DYNAP: variants seen among roughly 807,000 people sequenced by gnomAD.
The protein encoded by DYNAP is dynactin-associated protein.
A neutral mutation model predicts 8.5 loss-of-function variants in DYNAP; 7 were observed. That is an observed-to-expected ratio of 0.82 (90% CI 0.47 to 1.54). The LOEUF is 1.54. Ranked by LOEUF, DYNAP falls within the 40% of genes most tolerant of loss-of-function variation. The pLI, the probability that DYNAP is intolerant of heterozygous loss-of-function variation, is 0.01. For missense variants in DYNAP, 256 were observed against 224.3 expected, an observed-to-expected ratio of 1.14 and a Z score of -0.90; for synonymous variants, 77 against 77.9, an observed-to-expected ratio of 0.99 and a Z score of 0.06.
intron 1 of DYNAP, 80 bp downstream of exon 1, chr18:54,591,419 T>C (rs1313490075): frequency 1.4e-6 from 2 of 1,461,620 alleles, no homozygotes; most frequent in Non-Finnish European, 1.8e-6. Flanking sequence ...TTAATCTCTT[T>C]ATTACTATCT....
At chr18:54,576,317 C>T in the DYNAP span, among the ~76,000 whole-genome samples, 705 of 152,208 alleles carry the variant, frequency 4.6e-3, 7 homozygotes, top group Middle Eastern at 0.01. Flanking sequence ...TAGAAACTGC[C>T]AAACAGCTTA....
At chr18:54,577,356 G>A in the DYNAP span, among the ~76,000 whole-genome samples, 2 of 152,044 alleles carry the variant, frequency 1.3e-5, no homozygotes, top group Admixed American at 1.3e-4. Flanking sequence ...AGAAACCCAG[G>A]TGAGAGGACC....
At chr18:54,595,785 T>C (rs879771989) in intron 2 of DYNAP, among the ~76,000 whole-genome samples, 7 of 152,166 alleles carry the variant, frequency 4.6e-5, no homozygotes, top group Non-Finnish European at 7.4e-5. Context: ...CCAATATGGC[T>C]TGGCAGTTTG....
the DYNAP span, among the ~76,000 whole-genome samples, chr18:54,581,446 A>C: frequency 6.6e-6 from 1 of 152,346 alleles, no homozygotes; most frequent in East Asian, 1.9e-4. Flanking sequence ...GGCCTACTGT[A>C]CTATAACCAG....
At chr18:54,587,107 T>A (rs1019976928), upstream of DYNAP, among the ~76,000 whole-genome samples, 4 of 152,168 alleles carry the variant, frequency 2.6e-5, no homozygotes, top group African/African-American at 9.7e-5. Context: ...GAATGGTATA[T>A]TTTTTCACAA....
At chr18:54,592,074 T>G (rs1456382830) in intron 1 of DYNAP, among the ~76,000 whole-genome samples, 1 of 152,158 alleles carries the variant, frequency 6.6e-6, no homozygotes, top group Admixed American at 6.6e-5. Context: ...GCTGTGGTAA[T>G]CAGCCTGTGT....
the DYNAP span, among the ~76,000 whole-genome samples, chr18:54,581,850 A>C: frequency 6.6e-6 from 1 of 152,216 alleles, no homozygotes; most frequent in Admixed American, 6.5e-5. Flanking sequence ...AATTTTTAAC[A>C]GTTCTTCCAC....
chr18:54,582,875 C>T (rs537920442), upstream of DYNAP, among the ~76,000 whole-genome samples: 4 of 152,334 alleles, frequency 2.6e-5, no homozygotes, highest in East Asian at 5.8e-4. Flanking sequence ...TATCTTCCTA[C>T]TGACATAATC....
chr18:54,585,326 G>A (rs956074783), upstream of DYNAP, among the ~76,000 whole-genome samples: 18 of 150,970 alleles, frequency 1.2e-4, no homozygotes, highest in Admixed American at 3.3e-4. Context: ...CTATTGTATT[G>A]TTCATTTTTC....
chr18:54,586,595 A>G (rs1026806440), upstream of DYNAP, among the ~76,000 whole-genome samples: 6 of 152,150 alleles, frequency 3.9e-5, no homozygotes, highest in East Asian at 3.8e-4. Flanking sequence ...CAGTGAATTC[A>G]AGCTCTGAGT....
rs999716133 is a variant in DYNAP at position 54,596,969 on chromosome 18, G to A, written c.223-844G>A. On this transcript the variant is annotated intron_variant, in intron 2 of 2. Coordinates refer to ENST00000648945, the MANE Select transcript of DYNAP (RefSeq NM_173629.3). ...CTCTAGTCTTCCAACAAATACCATG[G>A]CACATATTTTGTAATGTTTCAGACC... Among the ~76,000 whole-genome samples, 8 of 152,048 alleles carry A rather than the reference G, an allele frequency of 5.3e-5. No individual in the cohort carries two copies. In the South Asian group the frequency reaches 1.0e-3, roughly 20 times the overall value.
At chr18:54,587,175 A>C (rs867476185), upstream of DYNAP, among the ~76,000 whole-genome samples, 20 of 152,324 alleles carry the variant, frequency 1.3e-4, no homozygotes, top group Middle Eastern at 3.4e-3. Context: ...CATGAGAGTC[A>C]GTTTACTATT....
chr18:54,589,787 T>A (rs1463670843), upstream of DYNAP, among the ~76,000 whole-genome samples: 4 of 152,102 alleles, frequency 2.6e-5, no homozygotes, highest in East Asian at 1.9e-4. Flanking sequence ...AGTAATATTT[T>A]AAAAATATAC....
upstream of DYNAP, among the ~76,000 whole-genome samples, chr18:54,587,540 A>T (rs1463531303): frequency 3.3e-5 from 5 of 151,920 alleles, no homozygotes; most frequent in South Asian, 6.2e-4. Flanking sequence ...AACACACATT[A>T]ATATTTTTTG....
chr18:54,580,594 A>C, the DYNAP span, among the ~76,000 whole-genome samples: 4 of 152,232 alleles, frequency 2.6e-5, no homozygotes, highest in Non-Finnish European at 4.4e-5. Flanking sequence ...CACAGAAATT[A>C]CAATGTGGTG....
chr18:54,587,554 T>C (rs1910922334), upstream of DYNAP, among the ~76,000 whole-genome samples: 1 of 152,182 alleles, frequency 6.6e-6, no homozygotes, highest in Non-Finnish European at 1.5e-5. Flanking sequence ...TTTTTTGTAA[T>C]TGAACATATA....
At chr18:54,594,423 T>A (rs1373093898) in intron 1 of DYNAP, among the ~76,000 whole-genome samples, 1 of 152,170 alleles carries the variant, frequency 6.6e-6, no homozygotes, top group Non-Finnish European at 1.5e-5. Context: ...ATTAGCATAG[T>A]ATGGCATAGC....
upstream of DYNAP, among the ~76,000 whole-genome samples, chr18:54,590,651 T>C (rs185258843): frequency 2.8e-3 from 426 of 152,298 alleles, 1 homozygote; most frequent in African/African-American, 9.7e-3. Context: ...TTTTACAATT[T>C]AAGACAAACT....
the DYNAP span, among the ~76,000 whole-genome samples, chr18:54,578,258 T>C: frequency 2.0e-5 from 3 of 152,208 alleles, no homozygotes; most frequent in African/African-American, 7.2e-5. Context: ...AAATATTACA[T>C]ATTACCACAG....
Sources: gnomAD v4.1 joint callset for allele counts (sites outside exome capture counted in the v4.1 genomes callset) on GRCh38, gnomAD v4.1.1 for gene constraint, MANE v1.5 for transcripts, NCBI Gene and HGNC (gene_info 2026-07-23, HGNC 2026-07-21) for gene names.